TCF4: variants seen among roughly 807,000 people sequenced by gnomAD.
The protein encoded by TCF4 is transcription factor 4, also known as SL3-3 enhancer factor 2.
In TCF4, 3 loss-of-function variants were observed where a neutral mutation model predicts 82.1. That is an observed-to-expected ratio of 0.04 (90% CI 0.02 to 0.09). The LOEUF is 0.09. Ranked by LOEUF, TCF4 falls within the 10% of genes least tolerant of loss-of-function variation. The pLI is 1.00. For synonymous variants in TCF4, 276 were observed against 309.6 expected (o/e 0.89, Z 1.14); for missense variants, 518 against 852.7 (o/e 0.61, Z 4.89).
rs1168010407 is a variant in TCF4, at chr18:55,350,972, C to G, written c.401G>C (p.Gly134Ala). The G allele has an allele frequency of 6.2e-7, 1 of 1,613,376 alleles. No individual in the cohort carries two copies. The highest frequency in any genetic ancestry group is 1.1e-5 in the South Asian group (1 of 91,062). ...QSLLGGDMDM[G>A]NPGTLSPTKP... ...GGTGGGCGAAAGGGTTCCTGGGTTG[C>G]CCATATCCATGTCACCTCCAAGGAG... Residue 134 changes from glycine to alanine, a missense_variant, in exon 7 of 20, where the codon GGC (glycine) becomes GCC (alanine). By Grantham distance (60) the Gly-to-Ala change is moderately conservative. Coordinates refer to ENST00000354452, the MANE Select transcript of TCF4 (RefSeq NM_001083962.2).
intron 3 of TCF4, among the ~76,000 whole-genome samples, chr18:55,471,679 T>C (rs888507287): frequency 1.3e-5 from 2 of 150,348 alleles, no homozygotes; most frequent in Non-Finnish European, 1.5e-5. Flanking sequence ...GGCACTAGAA[T>C]CACATGAACC....
intron 6 of TCF4, among the ~76,000 whole-genome samples, chr18:55,373,470 T>G (rs1355480679): frequency 1.3e-5 from 2 of 152,070 alleles, no homozygotes; most frequent in Non-Finnish European, 2.9e-5. Context: ...TCTCAGAAAT[T>G]TAAATCAATT....
At chr18:55,269,562 C>A in intron 11 of TCF4, 1 of 464,714 alleles carries the variant, frequency 2.2e-6, no homozygotes, top group Non-Finnish European at 4.0e-6. Context: ...ATGTGAGGAA[C>A]AAGATAGTTT....
chr18:55,602,613 G>A (rs1022411811), intron 2 of TCF4, among the ~76,000 whole-genome samples: 5 of 152,096 alleles, frequency 3.3e-5, no homozygotes, highest in African/African-American at 1.2e-4. Context: ...CAGCAGCATT[G>A]GCAAGTTCAC....
At chr18:55,327,099 T>G (rs559227010) in intron 8 of TCF4, among the ~76,000 whole-genome samples, 1 of 152,302 alleles carries the variant, frequency 6.6e-6, no homozygotes, top group South Asian at 2.1e-4. Flanking sequence ...ATTCCCATAT[T>G]TCTTTGTATT....
At chr18:55,391,916 C>T (rs1334479439) in intron 6 of TCF4, among the ~76,000 whole-genome samples, 13 of 131,196 alleles carry the variant, frequency 9.9e-5, no homozygotes, top group Admixed American at 3.4e-4. Flanking sequence ...GCAGCCTGGG[C>T]GACAGAGTGA....
chr18:55,497,535 C>T (rs1317431768), intron 3 of TCF4, among the ~76,000 whole-genome samples: 1 of 152,104 alleles, frequency 6.6e-6, no homozygotes, highest in South Asian at 2.1e-4. Flanking sequence ...CTACAAATTA[C>T]AAATGATTAG....
intron 2 of TCF4, among the ~76,000 whole-genome samples, chr18:55,621,664 TTATATAATATA>T (rs2097719907): frequency 4.1e-5 from 2 of 48,804 alleles, no homozygotes; most frequent in Admixed American, 5.2e-4. Flanking sequence ...ATAATATACA[TTATATAATATA>T]CATTATATAT....
chr18:55,400,968 A>G (rs2093781064), intron 6 of TCF4: 1 of 1,289,086 alleles, frequency 7.8e-7, no homozygotes, highest in Non-Finnish European at 1.0e-6. Flanking sequence ...TAAACAGAAG[A>G]AAACAAAAGC....
chr18:55,350,030 A>C (rs911035382), intron 8 of TCF4, among the ~76,000 whole-genome samples: 3 of 152,158 alleles, frequency 2.0e-5, no homozygotes, highest in Non-Finnish European at 4.4e-5. Flanking sequence ...AATACTGACA[A>C]AGAATTTAAC....
chr18:55,626,007 T>G (rs1271663998), intron 2 of TCF4, among the ~76,000 whole-genome samples: 2 of 152,226 alleles, frequency 1.3e-5, no homozygotes, highest in African/African-American at 4.8e-5. Flanking sequence ...ATCAAAAGCC[T>G]GCTTTACTTT....
chr18:55,619,955 TC>T (rs1242189850), intron 2 of TCF4, among the ~76,000 whole-genome samples: 1 of 152,136 alleles, frequency 6.6e-6, no homozygotes, highest in Non-Finnish European at 1.5e-5. Flanking sequence ...ATCCCCATAA[TC>T]CCCACGTGCC....
chr18:55,352,871 T>G (rs1224219981), intron 6 of TCF4, among the ~76,000 whole-genome samples: 1 of 152,188 alleles, frequency 6.6e-6, no homozygotes, highest in East Asian at 1.9e-4. Flanking sequence ...TCTTTGAAAT[T>G]TCCATCAATA....
chr18:55,565,702 T>A lies in TCF4; in HGVS notation c.145+19578A>T, dbSNP rs1299319622. On this transcript the variant is annotated intron_variant, in intron 3 of 19. Coordinates refer to ENST00000354452, the MANE Select transcript of TCF4 (RefSeq NM_001083962.2). ...GATTTGTTAGAAAATATCTATAAAA[T>A]TGCATAGTCTATTTTACAATTATTA... 2.6e-5 allele frequency among the ~76,000 whole-genome samples: 4 copies of A among 152,232 alleles called. No individual in the cohort carries two copies. The East Asian group carries it at 7.7e-4, about 29-fold the overall frequency.
chr18:55,280,229 T>C (rs1383597098), intron 8 of TCF4, among the ~76,000 whole-genome samples: 1 of 152,066 alleles, frequency 6.6e-6, no homozygotes, highest in Non-Finnish European at 1.5e-5. Context: ...AAAAGGCCAT[T>C]AAAAGCCTGG....
At chr18:55,258,667 G>A (rs1293326333) in intron 13 of TCF4, among the ~76,000 whole-genome samples, 2 of 152,046 alleles carry the variant, frequency 1.3e-5, no homozygotes, top group Non-Finnish European at 2.9e-5. Flanking sequence ...TTCTAAATTA[G>A]AAAATGAATA....
chr18:55,322,441 A>G (rs1163937946), intron 8 of TCF4: 9 of 1,008,634 alleles, frequency 8.9e-6, no homozygotes, highest in Middle Eastern at 4.8e-4. Flanking sequence ...AAAAAAAAAA[A>G]AAAAAAAAAC....
intron 8 of TCF4, among the ~76,000 whole-genome samples, chr18:55,317,942 T>G (rs1456923095): frequency 6.6e-6 from 1 of 152,096 alleles, no homozygotes; most frequent in Non-Finnish European, 1.5e-5. Context: ...CCATTTACTT[T>G]CCGAGATTTG....
intron 2 of TCF4, among the ~76,000 whole-genome samples, chr18:55,612,912 C>T (rs762699270): frequency 6.6e-6 from 1 of 152,122 alleles, no homozygotes; most frequent in Non-Finnish European, 1.5e-5. Flanking sequence ...CATGCCACTG[C>T]ACTCCAGCCT....
Sources: gnomAD v4.1 joint callset for allele counts (sites outside exome capture counted in the v4.1 genomes callset) on GRCh38, gnomAD v4.1.1 for gene constraint, MANE v1.5 for transcripts, NCBI Gene and HGNC (gene_info 2026-07-23, HGNC 2026-07-21) for gene names.